The following SHROOM4 variants were observed in gnomAD, a reference collection of about 807,000 sequenced individuals.
The protein encoded by SHROOM4 is protein Shroom4.
In SHROOM4, 17 loss-of-function variants were observed where a neutral mutation model predicts 80.3. The ratio of observed to expected loss-of-function variants is 0.21; its 90% CI spans 0.14 to 0.32. The LOEUF (loss-of-function observed/expected upper bound fraction) is 0.32, where lower values mean the gene tolerates loss of function less well. Among genes scored for constraint, SHROOM4 ranks in the 10% least tolerant of loss-of-function variants. The pLI is 1.00. For missense variants in SHROOM4, 993 were observed against 1,140.3 expected, an observed-to-expected ratio of 0.87 and a Z score of 1.86; for synonymous variants, 400 against 437.5, an observed-to-expected ratio of 0.91 and a Z score of 1.07.
chrX:50,777,152 C>T (rs1557270203), intron 1 of SHROOM4, among the ~76,000 whole-genome samples: 2 of 111,366 alleles, frequency 1.8e-5, no homozygotes, highest in South Asian at 7.5e-4. Context: ...TGCTGATGGA[C>T]CAGAATGAGG....
chrX:50,755,368 A>G (rs1427676434), intron 1 of SHROOM4, among the ~76,000 whole-genome samples: 1 of 112,152 alleles, frequency 8.9e-6, no homozygotes, highest in Non-Finnish European at 1.9e-5. Flanking sequence ...TGGACAACTC[A>G]GGGACAAAGA....
intron 1 of SHROOM4, among the ~76,000 whole-genome samples, chrX:50,697,080 G>A (rs1397374712): frequency 1.8e-5 from 2 of 111,431 alleles, no homozygotes; most frequent in African/African-American, 6.5e-5. Flanking sequence ...AGGACAACAT[G>A]CTACATGCTA....
intron 2 of SHROOM4, among the ~76,000 whole-genome samples, chrX:50,670,216 T>C (rs893522789): frequency 4.5e-5 from 5 of 110,711 alleles, no homozygotes; most frequent in Non-Finnish European, 9.5e-5. Context: ...TCCATCAACC[T>C]GTCATCTACA....
At chrX:50,599,010 G>T (rs868944047) in intron 7 of SHROOM4, among the ~76,000 whole-genome samples, 2 of 99,206 alleles carry the variant, frequency 2.0e-5, no homozygotes, top group African/African-American at 8.5e-5. Context: ...GTGTGTGTTT[G>T]TGTGTGTGTG....
chrX:50,720,216 C>G (rs1557265307), intron 1 of SHROOM4, among the ~76,000 whole-genome samples: 1 of 111,677 alleles, frequency 9.0e-6, no homozygotes, highest in Admixed American at 9.5e-5. Flanking sequence ...AATTTCTTCC[C>G]TCTCCTCTTA....
In SHROOM4 at chrX:50,589,046, C is replaced by T. The variant is rs1265725127; in HGVS notation, c.*7649G>A. On this transcript the variant is annotated 3_prime_UTR_variant, in exon 9 of 9. Transcript: ENST00000376020. ...CCCTCCTTCCCAATAGTAGTCCCTC[C>T]CATCTCTCTTATTTTTGCTGAAGTC... Among the ~76,000 whole-genome samples the T allele has an allele frequency of 8.9e-6, 1 of 111,791 alleles. No homozygotes were observed. The highest frequency in any genetic ancestry group is 3.3e-5 in the African/African-American group (1 of 30,725).
intron 2 of SHROOM4, among the ~76,000 whole-genome samples, chrX:50,645,713 A>C (rs1323456199): frequency 8.9e-6 from 1 of 111,803 alleles, no homozygotes; most frequent in Admixed American, 9.5e-5. Context: ...AAAAGGGCAT[A>C]TGCTCCCATT....
chrX:50,803,725 A>G (rs1428562682), intron 1 of SHROOM4, among the ~76,000 whole-genome samples: 1 of 112,255 alleles, frequency 8.9e-6, no homozygotes, highest in Non-Finnish European at 1.9e-5. Context: ...CTCTTCAACA[A>G]AACTGTCATC....
chrX:50,671,082 G>A (rs782417302), intron 2 of SHROOM4, among the ~76,000 whole-genome samples: 8 of 111,739 alleles, frequency 7.2e-5, no homozygotes, highest in Non-Finnish European at 1.3e-4. Flanking sequence ...CAGGTGCATT[G>A]TTAATGAGCA....
Position 50,769,806 on chromosome X carries a change from C to T in SHROOM4, c.117+44096G>A, listed in dbSNP as rs782457031. Among the ~76,000 whole-genome samples the T allele has an allele frequency of 4.0e-4, 44 of 111,227 alleles. 1 individual carries two copies. The highest frequency in any genetic ancestry group is 3.7e-3 in the Admixed American group (39 of 10,463). Reference sequence around the variant, plus strand: ...CAGTGAGGAAATGCAAAAATAACAACGTACTCTTGAAGGGCTTAGAGTCTA... The same window carrying T: ...CAGTGAGGAAATGCAAAAATAACAATGTACTCTTGAAGGGCTTAGAGTCTA... On this transcript the variant is annotated intron_variant, in intron 1 of 8. Transcript: ENST00000376020.
At chrX:50,802,872 A>G (rs1270211980) in intron 1 of SHROOM4, among the ~76,000 whole-genome samples, 1 of 112,110 alleles carries the variant, frequency 8.9e-6, no homozygotes, top group African/African-American at 3.2e-5. Flanking sequence ...ATATCCCACT[A>G]GTCTGCAAGA....
At chrX:50,754,960 A>G (rs1353426720) in intron 1 of SHROOM4, among the ~76,000 whole-genome samples, 9 of 112,044 alleles carry the variant, frequency 8.0e-5, no homozygotes, top group Non-Finnish European at 1.9e-5. Context: ...GATCATTTTA[A>G]CTCTCCATTC....
chrX:50,674,117 C>T (rs1932827255), intron 2 of SHROOM4, among the ~76,000 whole-genome samples: 1 of 110,545 alleles, frequency 9.0e-6, no homozygotes, highest in Non-Finnish European at 1.9e-5. Flanking sequence ...TAGGAAGACA[C>T]ACTGTGTTCA....
At chrX:50,644,839 T>G (rs967049588) in intron 2 of SHROOM4, among the ~76,000 whole-genome samples, 33 of 112,243 alleles carry the variant, frequency 2.9e-4, no homozygotes, top group African/African-American at 9.1e-4. Flanking sequence ...CAGTCTCAGC[T>G]CTACCATTCA....
chrX:50,598,250 C>T lies in SHROOM4; in HGVS notation c.4212+16G>A, dbSNP rs1459684717. ...GGTATTTCCCTCTACCCACACCCCACAGACCCCAACTCTACCTTCTCCTGG... is the reference window on the plus strand; with the variant it reads ...GGTATTTCCCTCTACCCACACCCCATAGACCCCAACTCTACCTTCTCCTGG... On this transcript the variant is annotated intron_variant, in intron 8 of 8. Transcript: ENST00000376020. 2 of 1,209,032 alleles carry T rather than the reference C, an allele frequency of 1.7e-6. No individual in the cohort carries two copies. The highest frequency in any genetic ancestry group is 3.5e-5 in the African/African-American group (2 of 56,916).
In SHROOM4 at chrX:50,669,293, A is replaced by C. The variant is rs1247073135; in HGVS notation, c.269+26493T>G. ...CTGTTTGACAGCATTTACCGACAGT[A>C]GGATTTCCCTCTCCTCTCTCCTCTC... On this transcript the variant is annotated intron_variant, in intron 2 of 8. Coordinates refer to ENST00000376020, the MANE Select transcript of SHROOM4 (RefSeq NM_020717.5). Among the ~76,000 whole-genome samples, 12 of 111,709 alleles carry C rather than the reference A, an allele frequency of 1.1e-4. No homozygotes were observed. The Admixed American group carries it at 1.1e-3, about 11-fold the overall frequency.
intron 5 of SHROOM4, among the ~76,000 whole-genome samples, chrX:50,610,352 T>TCTCTCTCTCACACA (rs782591424): frequency 1.1e-5 from 1 of 91,711 alleles, no homozygotes; most frequent in African/African-American, 4.6e-5. Context: ...TCTCTCTCTC[T>TCTCTCTCTCACACA]CACACACACA....
At chrX:50,759,403 G>A (rs1557268666) in intron 1 of SHROOM4, among the ~76,000 whole-genome samples, 1 of 111,964 alleles carries the variant, frequency 8.9e-6, no homozygotes, top group Non-Finnish European at 1.9e-5. Context: ...CTCCAGAAAT[G>A]TGAGAAAATT....
At chrX:50,683,291 G>A (rs1262740199) in intron 2 of SHROOM4, among the ~76,000 whole-genome samples, 1 of 111,866 alleles carries the variant, frequency 8.9e-6, no homozygotes, top group African/African-American at 3.3e-5. Flanking sequence ...GGCTTGTGTG[G>A]AGATGGCAGA....
Sources: allele counts gnomAD v4.1 joint callset (sites outside exome capture counted in the v4.1 genomes callset), GRCh38; gene constraint gnomAD v4.1.1; transcripts MANE v1.5; gene names NCBI Gene and HGNC (gene_info 2026-07-23, HGNC 2026-07-21).